The following TVP23A variants were observed in gnomAD, a reference collection of about 807,000 sequenced individuals.
The protein encoded by TVP23A is Golgi apparatus membrane protein TVP23 homolog A.
Under a neutral mutation model 31.7 loss-of-function variants are expected in TVP23A, and 21 were observed. That is an observed-to-expected ratio of 0.66 (90% CI 0.47 to 0.95). The LOEUF is 0.95. Ranked by LOEUF, TVP23A falls within the 40% of genes least tolerant of loss-of-function variation. The pLI is 0.00. For synonymous variants in TVP23A, 104 were observed against 96.0 expected (o/e 1.08, Z -0.49); for missense variants, 279 against 255.6 (o/e 1.09, Z -0.62).
chr16:10,769,196 T>C lies in TVP23A; in HGVS notation c.*1-95A>G, dbSNP rs1243201372. ...AGACCCGACCAGCTCCGGGATGGGG[T>C]GGGTCACAGCAAAAGGACCAGATGC... On this transcript the variant is annotated intron_variant, in intron 7 of 7. Transcript: ENST00000299866. 5.1e-6 allele frequency: 6 copies of C among 1,183,270 alleles called. No individual in the cohort carries two copies. The African/African-American group carries it at 7.7e-5, about 15-fold the overall frequency. The allele number at this position is 1,183,270 out of a possible 1,614,324, so 73.3% of individuals were successfully genotyped here.
intron 2 of TVP23A, among the ~76,000 whole-genome samples, chr16:10,780,786 C>T (rs2032373620): frequency 6.6e-6 from 1 of 152,148 alleles, no homozygotes; most frequent in African/African-American, 2.4e-5. Context: ...CAGGTGACAG[C>T]CATTACCATC....
chr16:10,778,938 A>C (rs2032254056), intron 2 of TVP23A, among the ~76,000 whole-genome samples: 1 of 152,188 alleles, frequency 6.6e-6, no homozygotes, highest in African/African-American at 2.4e-5. Flanking sequence ...TGCACTACGG[A>C]GCAAGACTCC....
At chr16:10,786,878 G>A (rs1428536846) in intron 2 of TVP23A, among the ~76,000 whole-genome samples, 1 of 151,636 alleles carries the variant, frequency 6.6e-6, no homozygotes, top group South Asian at 2.1e-4. Context: ...TGCCTTTTGG[G>A]ATAAACCAAG....
chr16:10,775,230 A>G, intron 2 of TVP23A, 134 bp from the exon 3 acceptor site: 1 of 1,460,260 alleles, frequency 6.8e-7, no homozygotes, highest in African/African-American at 1.4e-5. Context: ...CATATGACGC[A>G]GAAACTCAGG....
In TVP23A at chr16:10,766,681, A is replaced by C. The variant is rs1465194847; in HGVS notation, c.*2421T>G. On this transcript the variant is annotated 3_prime_UTR_variant, in exon 8 of 8. Coordinates refer to ENST00000299866, the MANE Select transcript of TVP23A (RefSeq NM_001079512.4). This position sits in a 1 kb window ranked among gnomAD's most constrained non-coding sequence, Gnocchi z 4.8. Reference sequence around the variant, plus strand: ...ATTGGACAAAACGCACAAAGAAAGGAAGGAAGGAAGGGATTTATTGAAAAT... The same window carrying C: ...ATTGGACAAAACGCACAAAGAAAGGCAGGAAGGAAGGGATTTATTGAAAAT... 1 of 341,576 alleles carries C rather than the reference A, an allele frequency of 2.9e-6. No homozygotes were observed. Among genetic ancestry groups the C allele is most frequent in the Non-Finnish European group, 5.2e-6 (1 of 190,774 alleles). The allele number at this position is 341,576 out of a possible 1,614,324, so 21.2% of individuals were successfully genotyped here.
chr16:10,765,619 T>C (rs2030764823), downstream of TVP23A, among the ~76,000 whole-genome samples: 1 of 152,206 alleles, frequency 6.6e-6, no homozygotes, highest in Non-Finnish European at 1.5e-5. The surrounding 1 kb of genome is among the most constrained non-coding windows in gnomAD (Gnocchi z 4.0). Flanking sequence ...ACCTTGGGGC[T>C]ATTAGATCCT....
At chr16:10,817,627 G>A (rs761400632) in intron 2 of TVP23A, among the ~76,000 whole-genome samples, 20 of 152,188 alleles carry the variant, frequency 1.3e-4, no homozygotes, top group Non-Finnish European at 1.3e-4. Flanking sequence ...TGCCAAGCTT[G>A]CTCCCCTCTG....
chr16:10,771,341 G>C (rs1462809673), intron 6 of TVP23A, among the ~76,000 whole-genome samples: 1 of 151,968 alleles, frequency 6.6e-6, no homozygotes, highest in Non-Finnish European at 1.5e-5. Context: ...AGGAGTTCTA[G>C]AGCAGCCTGG....
downstream of TVP23A, among the ~76,000 whole-genome samples, chr16:10,758,929 C>A (rs994414931): frequency 1.3e-5 from 2 of 152,212 alleles, no homozygotes; most frequent in Admixed American, 6.5e-5. Flanking sequence ...TCTGTAAGTC[C>A]TGCAGAGAGC....
chr16:10,816,997 A>G (rs1054238010), intron 2 of TVP23A, among the ~76,000 whole-genome samples: 3 of 151,866 alleles, frequency 2.0e-5, no homozygotes, highest in Non-Finnish European at 4.4e-5. Flanking sequence ...AGATGTGAAC[A>G]TGCTATAACA....
At chr16:10,758,812 T>C (rs1183279176), downstream of TVP23A, among the ~76,000 whole-genome samples, 3 of 152,184 alleles carry the variant, frequency 2.0e-5, no homozygotes, top group South Asian at 4.1e-4. Flanking sequence ...GTGCCTTCGC[T>C]TCTTCCGTAG....
intron 6 of TVP23A, 97 bp downstream of exon 6, chr16:10,771,573 C>G: frequency 6.9e-7 from 1 of 1,451,766 alleles, no homozygotes; most frequent in Admixed American, 1.9e-5. Context: ...GGCAGCCTGG[C>G]GGATATGTTA....
At position 10,769,518 on chromosome 16, in the gene TVP23A, C is replaced by G. The variant is rs572639648; in HGVS notation, c.*1-417G>C. 3.3e-3 allele frequency: 569 copies of G among 170,444 alleles called. 1 individual carries two copies. The highest frequency in any genetic ancestry group is 5.5e-3 in the Non-Finnish European group (446 of 80,430). 10.6% of individuals were successfully genotyped at this position (170,444 alleles called of 1,614,324 possible). ...AAGGGGTGAGTGTGCGGCTTCACTG[C>G]AGAACACACAGGCTTGTTTTCAAAC... On this transcript the variant is annotated intron_variant, in intron 7 of 7. Coordinates refer to ENST00000299866, the MANE Select transcript of TVP23A (RefSeq NM_001079512.4).
intron 2 of TVP23A, among the ~76,000 whole-genome samples, chr16:10,780,428 T>C (rs1490992657): frequency 2.6e-5 from 4 of 152,186 alleles, no homozygotes; most frequent in Non-Finnish European, 5.9e-5. Flanking sequence ...GGCACAACTC[T>C]AGGTGGGCTT....
chr16:10,765,282 C>CAA (rs71133394), downstream of TVP23A: 2 of 140,966 alleles, frequency 1.4e-5, no homozygotes, highest in African/African-American at 5.3e-5. The surrounding 1 kb of genome is among the most constrained non-coding windows in gnomAD (Gnocchi z 4.0). Flanking sequence ...CACACACACA[C>CAA]AACCATGCTC....
intron 3 of TVP23A, among the ~76,000 whole-genome samples, chr16:10,774,476 A>C (rs1046561520): frequency 1.3e-5 from 2 of 151,678 alleles, no homozygotes; most frequent in African/African-American, 4.8e-5. Context: ...GTTGTGGGGG[A>C]GACCGGGTGG....
Position 10,771,773 on chromosome 16 carries a change from A to C in TVP23A, c.479T>G (p.Leu160Arg). The change falls in exon 6 of 8, where the codon CTC (leucine) becomes CGC (arginine). Residue 160 changes from leucine (L) to arginine (R), a missense_variant. By Grantham distance (102) the Leu-to-Arg change is moderately radical (BLOSUM62 -2). Coordinates refer to ENST00000299866, the MANE Select transcript of TVP23A (RefSeq NM_001079512.4). ...GTAGCCATACAGGTTTGCAGCTTGG[A>C]GAGAGATCCCAGCAACCACCAGAGC... ...WLALVVAGIS[L>R]QAANLYGYIL... The C allele has an allele frequency of 6.3e-7, 1 of 1,587,468 alleles. No homozygotes were observed. Among genetic ancestry groups the C allele is most frequent in the Non-Finnish European group, 8.6e-7 (1 of 1,166,490 alleles).
intron 2 of TVP23A, among the ~76,000 whole-genome samples, chr16:10,804,874 C>T (rs1485659421): frequency 6.6e-6 from 1 of 152,168 alleles, no homozygotes; most frequent in Non-Finnish European, 1.5e-5. Context: ...ACAATTCATA[C>T]TGTTGTCCCA....
chr16:10,770,436 G>T, intron 6 of TVP23A, 105 bp from the exon 7 acceptor site: 2 of 1,294,462 alleles, frequency 1.5e-6, no homozygotes, highest in Non-Finnish European at 2.1e-6. Flanking sequence ...AAAACCTGCG[G>T]AATTGGTTGC....
Sources: gnomAD v4.1 joint callset for allele counts (sites outside exome capture counted in the v4.1 genomes callset) on GRCh38, gnomAD v4.1.1 for gene constraint, Gnocchi (gnomAD v3.1) non-coding constraint, MANE v1.5 for transcripts, NCBI Gene and HGNC (gene_info 2026-07-23, HGNC 2026-07-21) for gene names.